The following LIN7A variants were observed in gnomAD, a reference collection of about 807,000 sequenced individuals.
The protein encoded by LIN7A is protein lin-7 homolog A.
A neutral mutation model predicts 29.8 loss-of-function variants in LIN7A; 25 were observed. The ratio of observed to expected loss-of-function variants is 0.84; its 90% CI spans 0.61 to 1.17. LIN7A has a LOEUF of 1.17. Among genes scored for constraint, LIN7A ranks in the 50% most tolerant of loss-of-function variants. LIN7A has a pLI of 0.00. For missense variants in LIN7A, 239 were observed against 287.0 expected (o/e 0.83, Z 1.21); for synonymous variants, 118 against 107.5 (o/e 1.10, Z -0.60).
rs1404085162 is a variant in LIN7A, at chr12:80,797,648, A to G, written c.*79T>C. The G allele has an allele frequency of 3.9e-5, 6 of 152,618 alleles. No homozygotes were observed. The highest frequency in any genetic ancestry group is 8.8e-5 in the Non-Finnish European group (6 of 68,040). 9.5% of individuals were successfully genotyped at this position (152,618 alleles called of 1,614,324 possible). The stretch of plus-strand genomic sequence containing the variant: ...GGTATAATTATCAGTGTTGTCTTTT[A>G]CTATGTGCTGGGATTCTGAAGCACG... On this transcript the variant is annotated 3_prime_UTR_variant, in exon 6 of 6. Coordinates refer to ENST00000552864, the MANE Select transcript of LIN7A (RefSeq NM_004664.4).
Position 80,811,545 on chromosome 12 carries a change from G to A in LIN7A, c.622C>T (p.Arg208Cys), listed in dbSNP as rs369272736. The A allele has an allele frequency of 1.2e-5, 19 of 1,613,540 alleles. No homozygotes were observed. The highest frequency in any genetic ancestry group is 5.3e-5 in the African/African-American group (4 of 74,864). The change falls in exon 5 of 6, where the codon CGT (arginine) becomes TGT (cysteine). Residue 208 changes from arginine to cysteine, a missense_variant. Coordinates refer to ENST00000552864, the MANE Select transcript of LIN7A (RefSeq NM_004664.4). The part of the protein sequence containing the change: ...ARFEKLRTAR[R>C]RQQQQLLIQQ... ...ATTAGCAATTGCTGCTGCTGCCGAC[G>A]CCTGGCTGTTCGTAGCTTTTCAAAG...
At chr12:80,881,004 A>G (rs576099887) in intron 2 of LIN7A, among the ~76,000 whole-genome samples, 3 of 152,272 alleles carry the variant, frequency 2.0e-5, no homozygotes, top group African/African-American at 7.2e-5. Context: ...TAATCAACCA[A>G]CCAGCTCAAG....
At chr12:80,901,584 A>G (rs1367370256) in intron 1 of LIN7A, among the ~76,000 whole-genome samples, 3 of 152,014 alleles carry the variant, frequency 2.0e-5, no homozygotes, top group Non-Finnish European at 4.4e-5. Context: ...GTTCCCTTTT[A>G]TAGTGTTCAG....
intron 2 of LIN7A, among the ~76,000 whole-genome samples, chr12:80,854,971 G>A (rs1158997075): frequency 2.0e-5 from 3 of 152,038 alleles, no homozygotes; most frequent in African/African-American, 7.2e-5. Flanking sequence ...TATCAGCATG[G>A]AAAACAGTAG....
intron 4 of LIN7A, among the ~76,000 whole-genome samples, chr12:80,812,634 C>A (rs1871346352): frequency 6.6e-6 from 1 of 152,126 alleles, no homozygotes; most frequent in Non-Finnish European, 1.5e-5. Context: ...TCACCACCAC[C>A]TCCGCCTCCT....
intron 1 of LIN7A, among the ~76,000 whole-genome samples, chr12:80,931,685 T>G (rs554247200): frequency 6.6e-6 from 1 of 150,966 alleles, no homozygotes; most frequent in East Asian, 1.9e-4. Context: ...GTTTTGTAAC[T>G]ATATAGTGTG....
At chr12:80,808,537 G>C (rs1415149205) in intron 5 of LIN7A, among the ~76,000 whole-genome samples, 1 of 139,846 alleles carries the variant, frequency 7.2e-6, no homozygotes, top group Non-Finnish European at 1.5e-5. Flanking sequence ...ATAGAGTCTC[G>C]CTCTGTCACC....
intron 2 of LIN7A, among the ~76,000 whole-genome samples, chr12:80,849,622 C>T (rs1376148002): frequency 3.3e-5 from 5 of 152,114 alleles, no homozygotes; most frequent in Middle Eastern, 3.2e-3. Context: ...AGGGCAAATA[C>T]CTACAGGAGT....
At position 80,927,162 on chromosome 12, in the gene LIN7A, T is replaced by C. The variant is rs545651369; in HGVS notation, c.82+10479A>G. ...CTATTTTCTTTTCTTTTTCTTTTTT[T>C]TTTTTTTTTTTTTTTTTGAGACGGA... is the stretch of plus-strand genomic sequence containing the variant. On this transcript the variant is annotated intron_variant, in intron 1 of 5. Transcript: ENST00000552864. Among the ~76,000 whole-genome samples, 289 of 125,104 alleles carry C rather than the reference T, an allele frequency of 2.3e-3. 1 individual carries two copies. The highest frequency in any genetic ancestry group is 0.01 in the East Asian group (42 of 4,078). The allele number at this position is 125,104 out of a possible 152,430, so 82.1% of individuals were successfully genotyped here.
intron 5 of LIN7A, among the ~76,000 whole-genome samples, chr12:80,811,161 T>G (rs1028004061): frequency 3.3e-5 from 5 of 152,198 alleles, no homozygotes; most frequent in African/African-American, 1.2e-4. Flanking sequence ...TTTTCTTAAT[T>G]TGTATAAAAG....
chr12:80,907,026 A>T (rs1480571553), intron 1 of LIN7A, among the ~76,000 whole-genome samples: 2 of 143,272 alleles, frequency 1.4e-5, no homozygotes, highest in Non-Finnish European at 3.0e-5. Flanking sequence ...AACAATGATC[A>T]TAATAGAACA....
At chr12:80,937,097 G>T (rs1878272543) in intron 1 of LIN7A, 1 of 152,660 alleles carries the variant, frequency 6.6e-6, no homozygotes, top group Admixed American at 6.5e-5. Context: ...GCCACTGTGC[G>T]CCCGGCAGCC....
At chr12:80,929,354 T>C (rs147447622) in intron 1 of LIN7A, among the ~76,000 whole-genome samples, 48 of 152,338 alleles carry the variant, frequency 3.2e-4, no homozygotes, top group African/African-American at 1.2e-3. Context: ...CTAGGAATAA[T>C]TTTAGAATAT....
At chr12:80,934,018 G>A (rs1219059069) in intron 1 of LIN7A, among the ~76,000 whole-genome samples, 1 of 152,020 alleles carries the variant, frequency 6.6e-6, no homozygotes, top group Non-Finnish European at 1.5e-5. Context: ...ATATTTATTT[G>A]TTAAATTAAT....
chr12:80,861,214 C>T (rs1873858782), intron 2 of LIN7A: 1 of 152,340 alleles, frequency 6.6e-6, no homozygotes, highest in African/African-American at 2.4e-5. Context: ...TCCGATAGTG[C>T]TCCTTGCACA....
At chr12:80,919,897 A>C (rs1349541850) in intron 1 of LIN7A, among the ~76,000 whole-genome samples, 2 of 151,934 alleles carry the variant, frequency 1.3e-5, no homozygotes, top group Non-Finnish European at 2.9e-5. Flanking sequence ...CTCCACCACC[A>C]AGCTCATTCA....
At chr12:80,861,713 A>G (rs1350807192) in intron 2 of LIN7A, among the ~76,000 whole-genome samples, 1 of 152,224 alleles carries the variant, frequency 6.6e-6, no homozygotes, top group African/African-American at 2.4e-5. Flanking sequence ...AGCTCTGCTC[A>G]TAACCTGCAG....
At chr12:80,836,379 G>A (rs769745470) in intron 4 of LIN7A, among the ~76,000 whole-genome samples, 2 of 152,176 alleles carry the variant, frequency 1.3e-5, no homozygotes, top group Non-Finnish European at 2.9e-5. Context: ...ACTAGCTCCT[G>A]GCATGGTGGC....
chr12:80,927,006 A>T (rs1237743814), intron 1 of LIN7A, among the ~76,000 whole-genome samples: 2 of 150,892 alleles, frequency 1.3e-5, no homozygotes, highest in Non-Finnish European at 3.0e-5. Flanking sequence ...GAAGTCCTCT[A>T]CTTAGAGATT....
Sources: gnomAD v4.1 joint callset for allele counts (sites outside exome capture counted in the v4.1 genomes callset) on GRCh38, gnomAD v4.1.1 for gene constraint, MANE v1.5 for transcripts, NCBI Gene and HGNC (gene_info 2026-07-23, HGNC 2026-07-21) for gene names.